OOEP: variants seen among roughly 807,000 people sequenced by gnomAD.
OOEP encodes the protein oocyte expressed protein.
In OOEP, 16 loss-of-function variants were observed where a neutral mutation model predicts 13.7. The ratio of observed to expected loss-of-function variants is 1.16; its 90% CI spans 0.79 to 1.77. OOEP has a LOEUF of 1.77. Among genes scored for constraint, OOEP ranks in the 40% most tolerant of loss-of-function variants. The probability of loss-of-function intolerance (pLI) is 0.00; values close to 1 mark genes in which losing one functional copy is unlikely to be tolerated. For synonymous variants in OOEP, 89 were observed against 77.1 expected, an observed-to-expected ratio of 1.15 and a Z score of -0.81; for missense variants, 195 against 193.1, an observed-to-expected ratio of 1.01 and a Z score of -0.06.
chr6:73,388,791 C>G (rs887308268), intron 2 of OOEP, among the ~76,000 whole-genome samples: 1 of 152,250 alleles, frequency 6.6e-6, no homozygotes, highest in Non-Finnish European at 1.5e-5. Context: ...GCCACCTTCT[C>G]TAGTCCAGGT....
At chr6:73,376,437 T>C (rs979682101) in intron 2 of OOEP, among the ~76,000 whole-genome samples, 3 of 148,006 alleles carry the variant, frequency 2.0e-5, no homozygotes, top group South Asian at 2.2e-4. Context: ...CAAGATCTGA[T>C]GCTGATCCTT....
At chr6:73,390,106 G>C (rs989046082) in intron 2 of OOEP, among the ~76,000 whole-genome samples, 1 of 152,066 alleles carries the variant, frequency 6.6e-6, no homozygotes, top group Non-Finnish European at 1.5e-5. Flanking sequence ...TTGAATCCGG[G>C]AGGCAGAGGT....
chr6:73,392,179 A>G (rs114117198), intron 2 of OOEP, among the ~76,000 whole-genome samples: 1,780 of 152,378 alleles, frequency 0.012, 27 homozygotes, highest in African/African-American at 0.041. Flanking sequence ...CATAGATGCA[A>G]AAATCCTTAA....
At chr6:73,394,458 C>T (rs1403856750) in exon 2 of OOEP, 1 of 691,028 alleles carries the variant, frequency 1.4e-6, no homozygotes, top group South Asian at 1.6e-5. Context: ...GAGTTCAAGA[C>T]CTGCCTGGGC....
intron 2 of OOEP, among the ~76,000 whole-genome samples, chr6:73,382,284 C>G (rs1256576166): frequency 2.2e-5 from 3 of 135,496 alleles, no homozygotes; most frequent in Non-Finnish European, 3.0e-5. Context: ...GTGGCGTGAT[C>G]TCAGCTCACC....
At chr6:73,385,387 T>TA (rs143390853) in intron 2 of OOEP, among the ~76,000 whole-genome samples, 12,614 of 149,506 alleles carry the variant, frequency 0.084, 600 homozygotes, top group South Asian at 0.14. Flanking sequence ...TCAGCATTAT[T>TA]AAAAAAAAAA....
At chr6:73,394,544 G>A in intron 1 of OOEP, 1 of 580,834 alleles carries the variant, frequency 1.7e-6, no homozygotes, top group Non-Finnish European at 3.0e-6. Flanking sequence ...GGAACCCGAG[G>A]TGTGTGTCCA....
chr6:73,395,152 A>G (rs1241468271), upstream of OOEP: 1 of 1,609,436 alleles, frequency 6.2e-7, no homozygotes, highest in Non-Finnish European at 8.5e-7. Context: ...TGGCGCGGTA[A>G]TCGGTGAGAA....
intron 2 of OOEP, chr6:73,391,029 C>A (rs1769340494): frequency 6.6e-6 from 1 of 152,224 alleles, no homozygotes; most frequent in Admixed American, 6.5e-5. Context: ...AATGTTAAAT[C>A]CGCCGGGCTT....
At chr6:73,369,467 G>A (rs1769009829) in intron 1 of OOEP, 82 bp from the exon 2 acceptor site, 2 of 1,514,100 alleles carry the variant, frequency 1.3e-6, no homozygotes, top group East Asian at 2.3e-5. Context: ...GGCCAGGGAA[G>A]GGAAGAACTG....
chr6:73,390,972 T>C (rs745460799), intron 2 of OOEP: 6 of 152,118 alleles, frequency 3.9e-5, no homozygotes, highest in Non-Finnish European at 7.3e-5. Context: ...TTACCTGGAA[T>C]TACCATCTTA....
At chr6:73,376,728 C>T (rs1353583226) in intron 2 of OOEP, among the ~76,000 whole-genome samples, 2 of 151,288 alleles carry the variant, frequency 1.3e-5, no homozygotes, top group Non-Finnish European at 3.0e-5. Flanking sequence ...CTCGGCTCAC[C>T]GCAACCTCCA....
At chr6:73,393,630 G>A (rs1273957288) in intron 2 of OOEP, among the ~76,000 whole-genome samples, 5 of 152,086 alleles carry the variant, frequency 3.3e-5, no homozygotes. Flanking sequence ...TTGGATACCA[G>A]CCCGGGCAAC....
At chr6:73,373,115 C>A (rs894916858), upstream of OOEP, 31 of 1,603,036 alleles carry the variant, frequency 1.9e-5, no homozygotes, top group African/African-American at 3.3e-4. Flanking sequence ...TCCTTATAGA[C>A]CCAGCTTGGT....
chr6:73,392,040 A>G (rs1163469171), intron 2 of OOEP, among the ~76,000 whole-genome samples: 1 of 152,216 alleles, frequency 6.6e-6, no homozygotes. Context: ...TTTTGGCCTC[A>G]TAGAATGAGT....
At chr6:73,390,740 C>A (rs1378299631) in intron 2 of OOEP, among the ~76,000 whole-genome samples, 2 of 150,526 alleles carry the variant, frequency 1.3e-5, no homozygotes, top group African/African-American at 4.9e-5. Flanking sequence ...CCATGCCCAG[C>A]TAATTTTTTT....
At chr6:73,383,388 C>A (rs965290340) in intron 2 of OOEP, among the ~76,000 whole-genome samples, 7 of 152,168 alleles carry the variant, frequency 4.6e-5, no homozygotes, top group Non-Finnish European at 1.0e-4. Flanking sequence ...GTAATCCCAG[C>A]ACTTTGGTAG....
At chr6:73,371,340 T>G (rs1422690450), upstream of OOEP, among the ~76,000 whole-genome samples, 1 of 152,080 alleles carries the variant, frequency 6.6e-6, no homozygotes, top group Non-Finnish European at 1.5e-5. Context: ...AGGTGGCTCA[T>G]GCCTATAATC....
chr6:73,371,429 C>A (rs1289371894), upstream of OOEP, among the ~76,000 whole-genome samples: 1 of 151,976 alleles, frequency 6.6e-6, no homozygotes, highest in Non-Finnish European at 1.5e-5. Flanking sequence ...ATGGAGAAAA[C>A]CGGTCTCTAC....
Sources: gnomAD v4.1 joint callset for allele counts (sites outside exome capture counted in the v4.1 genomes callset) on GRCh38, gnomAD v4.1.1 for gene constraint, MANE v1.5 for transcripts, NCBI Gene and HGNC (gene_info 2026-07-23, HGNC 2026-07-21) for gene names.